The following ERBB4 variants were observed in gnomAD, a reference collection of about 807,000 sequenced individuals.
The protein encoded by ERBB4 is erb-b2 receptor tyrosine kinase 4, also known as receptor tyrosine-protein kinase erbB-4.
Under a neutral mutation model 158.0 loss-of-function variants are expected in ERBB4, and 42 were observed. That is an observed-to-expected ratio of 0.27 (90% CI 0.21 to 0.34). The LOEUF (loss-of-function observed/expected upper bound fraction) is 0.34. Ranked by LOEUF, ERBB4 falls within the 10% of genes least tolerant of loss-of-function variation. The pLI is 1.00. For synonymous variants in ERBB4, 583 were observed against 558.7 expected (o/e 1.04, Z -0.61); for missense variants, 1,333 against 1,624.1 (o/e 0.82, Z 3.08).
chr2:212,514,599 G>A (rs1374022849), intron 1 of ERBB4, among the ~76,000 whole-genome samples: 3 of 152,138 alleles, frequency 2.0e-5, no homozygotes, highest in South Asian at 4.1e-4. Flanking sequence ...GAGGTCAAGA[G>A]ATCAAGACCA....
intron 3 of ERBB4, among the ~76,000 whole-genome samples, chr2:211,796,982 G>A (rs1024390264): frequency 6.6e-6 from 1 of 151,776 alleles, no homozygotes; most frequent in African/African-American, 2.4e-5. Flanking sequence ...AGTAAAATAC[G>A]ATTTCTGGAA....
intron 12 of ERBB4, among the ~76,000 whole-genome samples, chr2:211,683,807 C>G (rs1434591754): frequency 6.6e-6 from 1 of 151,272 alleles, no homozygotes; most frequent in Non-Finnish European, 1.5e-5. Flanking sequence ...TACACTCTCA[C>G]CAACCATGTA....
chr2:211,691,868 G>A (rs2072835743), intron 12 of ERBB4, among the ~76,000 whole-genome samples: 1 of 152,048 alleles, frequency 6.6e-6, no homozygotes, highest in South Asian at 2.1e-4. Flanking sequence ...CTGGTGAGAT[G>A]GAGAAGGGAC....
rs180864867 is a variant in ERBB4, at chr2:211,555,329, G to A, written c.2487+6574C>T. ...GCCTCCCTAGTAGCTTGGATCACAG[G>A]CATGTGCCCCTATGCCCGGCTAATT... On this transcript the variant is annotated intron_variant, in intron 20 of 27. Transcript: ENST00000342788. 2.1e-3 allele frequency among the ~76,000 whole-genome samples: 326 copies of A among 152,220 alleles called. 5 individuals are homozygous for A. The highest frequency in any genetic ancestry group is 1.3e-3 in the Non-Finnish European group (90 of 68,010).
chr2:211,911,746 G>A (rs2079545179), intron 3 of ERBB4, among the ~76,000 whole-genome samples: 1 of 151,700 alleles, frequency 6.6e-6, no homozygotes, highest in Non-Finnish European at 1.5e-5. Flanking sequence ...TACAGAGACT[G>A]GGGGTTGGAG....
At chr2:211,846,602 T>G (rs1472947942) in intron 3 of ERBB4, among the ~76,000 whole-genome samples, 1 of 152,140 alleles carries the variant, frequency 6.6e-6, no homozygotes, top group Non-Finnish European at 1.5e-5. Context: ...ACCAGATAAT[T>G]TGACCACCTG....
chr2:211,727,879 C>T (rs2074315158), intron 5 of ERBB4, among the ~76,000 whole-genome samples: 2 of 151,904 alleles, frequency 1.3e-5, no homozygotes, highest in African/African-American at 4.8e-5. Context: ...AATAAGGTTA[C>T]ATGCTATTTT....
intron 1 of ERBB4, among the ~76,000 whole-genome samples, chr2:212,438,337 C>T (rs2092182559): frequency 6.6e-6 from 1 of 152,034 alleles, no homozygotes; most frequent in African/African-American, 2.4e-5. Flanking sequence ...GAGAAAAATA[C>T]CATTAAATGT....
intron 2 of ERBB4, among the ~76,000 whole-genome samples, chr2:211,983,271 A>T (rs2081853885): frequency 6.6e-6 from 1 of 152,126 alleles, no homozygotes; most frequent in Admixed American, 6.5e-5. Context: ...GATTTAAGAG[A>T]TGTTAAAGAA....
intron 19 of ERBB4, among the ~76,000 whole-genome samples, chr2:211,590,472 G>A (rs948056878): frequency 2.0e-5 from 3 of 152,064 alleles, no homozygotes; most frequent in African/African-American, 7.2e-5. Context: ...TATCCTTGAT[G>A]GATCAACCAG....
chr2:211,639,125 C>T (rs534095042), intron 16 of ERBB4, among the ~76,000 whole-genome samples: 1 of 152,152 alleles, frequency 6.6e-6, no homozygotes, highest in East Asian at 1.9e-4. Flanking sequence ...ACAGTTTATA[C>T]CTATTATACA....
chr2:211,765,483 T>C (rs1311079760), intron 4 of ERBB4, among the ~76,000 whole-genome samples: 1 of 152,202 alleles, frequency 6.6e-6, no homozygotes, highest in East Asian at 1.9e-4. Flanking sequence ...GTTTTGTTTC[T>C]TATCCCTCAG....
chr2:211,557,624 C>G (rs1457886563), intron 20 of ERBB4, among the ~76,000 whole-genome samples: 2 of 147,310 alleles, frequency 1.4e-5, no homozygotes, highest in East Asian at 3.9e-4. Flanking sequence ...AACACTTATA[C>G]ATTGTTGTTC....
Position 212,394,684 on chromosome 2 carries a change from T to C in ERBB4, c.82+143765A>G, listed in dbSNP as rs73060382. 6.5e-3 allele frequency among the ~76,000 whole-genome samples: 996 copies of C among 152,266 alleles called. 7 individuals carry two copies. The highest frequency in any genetic ancestry group is 0.023 in the African/African-American group (950 of 41,570). ...TTTCATGTGTTTCCATAATTTTCTC[T>C]ATACTTACCTTGTTTAGTGTCTCAT... On this transcript the variant is annotated intron_variant, in intron 1 of 27. Coordinates refer to ENST00000342788, the MANE Select transcript of ERBB4 (RefSeq NM_005235.3).
intron 1 of ERBB4, among the ~76,000 whole-genome samples, chr2:212,353,998 A>C (rs1410875738): frequency 6.6e-6 from 1 of 152,148 alleles, no homozygotes; most frequent in Non-Finnish European, 1.5e-5. Context: ...CCTATACTGA[A>C]CATTTCAATG....
chr2:212,432,929 C>T (rs1165382340), intron 1 of ERBB4, among the ~76,000 whole-genome samples: 3 of 152,082 alleles, frequency 2.0e-5, no homozygotes, highest in African/African-American at 7.2e-5. Context: ...TCTGATGATA[C>T]AGTGTTACAT....
chr2:211,952,578 T>C (rs895401929), intron 2 of ERBB4, among the ~76,000 whole-genome samples: 4 of 152,060 alleles, frequency 2.6e-5, no homozygotes, highest in Non-Finnish European at 5.9e-5. Context: ...TGGACTTATC[T>C]ATGGGAAAGT....
chr2:212,220,634 C>T (rs1224848348), intron 1 of ERBB4, among the ~76,000 whole-genome samples: 1 of 151,296 alleles, frequency 6.6e-6, no homozygotes, highest in Non-Finnish European at 1.5e-5. Flanking sequence ...TAACAATGAC[C>T]AACCATTTGC....
chr2:212,475,082 G>A (rs757435361), intron 1 of ERBB4, among the ~76,000 whole-genome samples: 28 of 151,938 alleles, frequency 1.8e-4, no homozygotes, highest in Admixed American at 1.6e-3. Flanking sequence ...TGTTGGTTGC[G>A]TCAATATCAC....
Sources: gnomAD v4.1 joint callset for allele counts (sites outside exome capture counted in the v4.1 genomes callset) on GRCh38, gnomAD v4.1.1 for gene constraint, MANE v1.5 for transcripts, NCBI Gene and HGNC (gene_info 2026-07-23, HGNC 2026-07-21) for gene names.